The following CSNK1G1 variants were observed in gnomAD, a reference collection of about 807,000 sequenced individuals.
CSNK1G1 encodes casein kinase 1 gamma 1.
In CSNK1G1, 22 loss-of-function variants were observed where a neutral mutation model predicts 59.6. The ratio of observed to expected loss-of-function variants is 0.37; its 90% CI spans 0.26 to 0.53. The LOEUF is 0.53. CSNK1G1 is among the 20% of genes least tolerant of loss of function. CSNK1G1 has a pLI of 0.89. For missense variants in CSNK1G1, 384 were observed against 519.5 expected (o/e 0.74, Z 2.54); for synonymous variants, 179 against 177.1 (o/e 1.01, Z -0.08).
At chr15:64,187,113 G>A (rs1413007479) in intron 10 of CSNK1G1, among the ~76,000 whole-genome samples, 3 of 152,006 alleles carry the variant, frequency 2.0e-5, no homozygotes, top group East Asian at 3.9e-4. Flanking sequence ...GAGCCACCAC[G>A]CCTGGCCATC....
chr15:64,219,276 G>A (rs779729475), intron 4 of CSNK1G1, among the ~76,000 whole-genome samples: 14 of 152,150 alleles, frequency 9.2e-5, no homozygotes, highest in Non-Finnish European at 2.1e-4. Context: ...AGAACACTCT[G>A]TCCTAGAGAT....
intron 1 of CSNK1G1, among the ~76,000 whole-genome samples, chr15:64,311,498 T>C (rs570182557): frequency 2.6e-4 from 39 of 152,208 alleles, no homozygotes; most frequent in Non-Finnish European, 4.9e-4. Context: ...TCAACAAATA[T>C]TTTGTGAAGC....
At chr15:64,287,680 A>T (rs1894502909) in intron 2 of CSNK1G1, among the ~76,000 whole-genome samples, 1 of 152,166 alleles carries the variant, frequency 6.6e-6, no homozygotes, top group East Asian at 1.9e-4. Flanking sequence ...GAGGGCAATG[A>T]TCCATTAACT....
intron 2 of CSNK1G1, among the ~76,000 whole-genome samples, chr15:64,275,654 A>C (rs778656206): frequency 1.3e-5 from 2 of 152,192 alleles, no homozygotes; most frequent in African/African-American, 2.4e-5. Context: ...ACAATGCTCA[A>C]ATGTTTTCTA....
intron 2 of CSNK1G1, among the ~76,000 whole-genome samples, chr15:64,278,372 A>ATGTGTG (rs1893884086): frequency 8.4e-6 from 1 of 119,038 alleles, no homozygotes; most frequent in Non-Finnish European, 1.8e-5. Flanking sequence ...ATATGCATGT[A>ATGTGTG]TGTGCGTGTG....
chr15:64,210,485 G>T lies in CSNK1G1; in HGVS notation c.680-2891C>A, dbSNP rs1012387939. On this transcript the variant is annotated intron_variant, in intron 6 of 11. Coordinates refer to ENST00000303052, the MANE Select transcript of CSNK1G1 (RefSeq NM_022048.5). This position sits in a 1 kb window ranked among gnomAD's most constrained non-coding sequence, Gnocchi z 4.2. ...CATGCAGCATATTTTCATTTTCAAA[G>T]AAGAAAGGTTTCCAATACCAGTGAG... Among the ~76,000 whole-genome samples the T allele has an allele frequency of 2.0e-5, 3 of 152,056 alleles. No homozygotes were observed. The South Asian group carries it at 6.2e-4, about 32-fold the overall frequency.
chr15:64,232,097 T>C (rs944541772), intron 4 of CSNK1G1, among the ~76,000 whole-genome samples: 13 of 152,124 alleles, frequency 8.5e-5, no homozygotes, highest in African/African-American at 3.1e-4. Context: ...TAAGGCAATA[T>C]GAAGTATAAA....
chr15:64,248,343 T>G (rs1346574031), intron 4 of CSNK1G1, among the ~76,000 whole-genome samples: 2 of 152,242 alleles, frequency 1.3e-5, no homozygotes, highest in African/African-American at 2.4e-5. Flanking sequence ...AAATTTCCTT[T>G]TTTTAACCAT....
rs558657783 is a variant in CSNK1G1 at position 64,314,385 on chromosome 15, G to A, written c.-224-13662C>T. On this transcript the variant is annotated intron_variant, in intron 1 of 11. Transcript: ENST00000303052. ...GTTGACAATTTATAATTATATAAAT[G>A]TAAGGGGTACAAAGTAATGTTATAA... is the stretch of plus-strand genomic sequence containing the variant. 2.6e-5 allele frequency among the ~76,000 whole-genome samples: 4 copies of A among 151,980 alleles called. No homozygotes were observed. The East Asian group carries it at 7.7e-4, about 29-fold the overall frequency.
chr15:64,247,235 A>G (rs1426824206), intron 4 of CSNK1G1, among the ~76,000 whole-genome samples: 1 of 152,202 alleles, frequency 6.6e-6, no homozygotes, highest in African/African-American at 2.4e-5. Flanking sequence ...CTGAAACCTA[A>G]AATCATTCCC....
At chr15:64,285,665 A>G (rs1448880058) in intron 2 of CSNK1G1, among the ~76,000 whole-genome samples, 1 of 152,174 alleles carries the variant, frequency 6.6e-6, no homozygotes, top group Non-Finnish European at 1.5e-5. Context: ...AACATTTAGA[A>G]TTACTTAAAT....
At chr15:64,329,623 G>A (rs1276626470) in intron 1 of CSNK1G1, among the ~76,000 whole-genome samples, 1 of 117,318 alleles carries the variant, frequency 8.5e-6, no homozygotes, top group Non-Finnish European at 1.8e-5. Flanking sequence ...AACTAGAAAA[G>A]CAAGAGCAAA....
chr15:64,274,294 A>G (rs900372436), intron 2 of CSNK1G1, among the ~76,000 whole-genome samples: 1 of 152,244 alleles, frequency 6.6e-6, no homozygotes, highest in Admixed American at 6.5e-5. Context: ...AAATTTAGAC[A>G]ATCACTCAGC....
In CSNK1G1 at chr15:64,214,779, C is replaced by T. The variant is rs1224283187; in HGVS notation, c.445-655G>A. Among the ~76,000 whole-genome samples, 1 of 152,014 alleles carries T rather than the reference C, an allele frequency of 6.6e-6. No homozygotes were observed. The highest frequency in any genetic ancestry group is 1.5e-5 in the Non-Finnish European group (1 of 68,002). ...TCAGCCTCCCGGGTAGCTGGGATTA[C>T]ATGCACATGCCACCATGCCTGGCTA... is the stretch of plus-strand genomic sequence containing the variant. On this transcript the variant is annotated intron_variant, in intron 5 of 11. Coordinates refer to ENST00000303052, the MANE Select transcript of CSNK1G1 (RefSeq NM_022048.5). The surrounding 1 kb of genome is among the most constrained non-coding windows in gnomAD (Gnocchi z 4.3).
intron 1 of CSNK1G1, among the ~76,000 whole-genome samples, chr15:64,325,446 C>T (rs1258621309): frequency 2.2e-4 from 33 of 152,304 alleles, no homozygotes; most frequent in Non-Finnish European, 1.5e-5. Context: ...GCTGTTAGTA[C>T]TGCCTTATTC....
rs928192194 is a variant in CSNK1G1, at chr15:64,173,619, C to CTT, written c.1215-1636_1215-1635dup. Among the ~76,000 whole-genome samples, 614 of 108,488 alleles carry CTT rather than the reference C, an allele frequency of 5.7e-3. 9 individuals carry two copies. Among genetic ancestry groups the CTT allele is most frequent in the South Asian group, 8.5e-3 (28 of 3,310 alleles). The allele number at this position is 108,488 out of a possible 152,430, so 71.2% of individuals were successfully genotyped here. The stretch of plus-strand genomic sequence containing the variant: ...TTGGTGTTTTTCTTTCTTTTCTTTT[C>CTT]TTTTTTTTTTTTTTTTTTTTTGAGA... On this transcript the variant is annotated intron_variant, in intron 11 of 11. Coordinates refer to ENST00000303052, the MANE Select transcript of CSNK1G1 (RefSeq NM_022048.5).
chr15:64,191,362 C>A (rs1243682166), intron 10 of CSNK1G1, among the ~76,000 whole-genome samples: 1 of 152,078 alleles, frequency 6.6e-6, no homozygotes, highest in Non-Finnish European at 1.5e-5. Flanking sequence ...ACCCAGCCTG[C>A]ATTTGTTTTT....
At chr15:64,324,300 AAAG>A (rs1896725788) in intron 1 of CSNK1G1, among the ~76,000 whole-genome samples, 1 of 152,222 alleles carries the variant, frequency 6.6e-6, no homozygotes, top group Non-Finnish European at 1.5e-5. Context: ...GGGTATTGCC[AAAG>A]AAGATTAAGA....
intron 2 of CSNK1G1, among the ~76,000 whole-genome samples, chr15:64,278,489 CACA>C (rs1343323727): frequency 6.7e-6 from 1 of 148,268 alleles, no homozygotes; most frequent in African/African-American, 2.5e-5. Flanking sequence ...AGTGCAGTGG[CACA>C]ATTTCAGCTC....
Sources: gnomAD v4.1 joint callset for allele counts (sites outside exome capture counted in the v4.1 genomes callset) on GRCh38, gnomAD v4.1.1 for gene constraint, Gnocchi (gnomAD v3.1) non-coding constraint, MANE v1.5 for transcripts, NCBI Gene and HGNC (gene_info 2026-07-23, HGNC 2026-07-21) for gene names.